AXDND1: variants seen among roughly 807,000 people sequenced by gnomAD.
The protein encoded by AXDND1 is axonemal dynein light chain domain containing 1.
AXDND1 carries 110 observed loss-of-function variants against 137.5 expected under a neutral mutation model. The observed-to-expected ratio is 0.80, with a 90% confidence interval of 0.69 to 0.94. The LOEUF is 0.94. Ranked by LOEUF, AXDND1 falls within the 40% of genes least tolerant of loss-of-function variation. AXDND1 has a pLI of 0.00. For synonymous variants in AXDND1, 414 were observed against 399.7 expected (o/e 1.04, Z -0.43); for missense variants, 1,191 against 1,169.8 (o/e 1.02, Z -0.26).
intron 11 of AXDND1, among the ~76,000 whole-genome samples, chr1:179,398,966 A>C (rs1200862575): frequency 1.3e-5 from 2 of 152,190 alleles, no homozygotes; most frequent in African/African-American, 2.4e-5. Flanking sequence ...CAAGGAAAGC[A>C]AAACATGCCT....
At chr1:179,424,032 C>G (rs1392746318) in intron 12 of AXDND1, among the ~76,000 whole-genome samples, 2 of 151,878 alleles carry the variant, frequency 1.3e-5, no homozygotes, top group Admixed American at 6.6e-5. Flanking sequence ...TAAGAGAGGT[C>G]TGGTGGTGGT....
chr1:179,528,192 A>T, intron 22 of AXDND1, 135 bp from the exon 23 acceptor site: 2 of 628,890 alleles, frequency 3.2e-6, no homozygotes, highest in East Asian at 2.8e-5. Flanking sequence ...GTCTTCAAAA[A>T]TTCTTGTTGT....
At chr1:179,553,955 G>A (rs7546708) in intron 25 of AXDND1, among the ~76,000 whole-genome samples, 90,232 of 146,024 alleles carry the variant, frequency 0.62, 27,896 homozygotes, top group Admixed American at 0.65. Flanking sequence ...CTCTGTGGTC[G>A]TGGCTGAAGC....
intron 21 of AXDND1, among the ~76,000 whole-genome samples, chr1:179,510,036 G>T (rs745911677): frequency 6.6e-6 from 1 of 152,114 alleles, no homozygotes; most frequent in African/African-American, 2.4e-5. Context: ...TGGCTTCTGT[G>T]TAGCATTTGG....
At chr1:179,517,836 C>T (rs1374001780) in intron 21 of AXDND1, among the ~76,000 whole-genome samples, 1 of 152,180 alleles carries the variant, frequency 6.6e-6, no homozygotes, top group Non-Finnish European at 1.5e-5. Flanking sequence ...CCACTGCCTT[C>T]GGAGGGTCTT....
rs754415082 is a variant in AXDND1, at chr1:179,368,818, A to G, written c.116A>G (p.Glu39Gly). 4 of 1,611,728 alleles carry G rather than the reference A, an allele frequency of 2.5e-6. No homozygotes were observed. Among genetic ancestry groups the G allele is most frequent in the Non-Finnish European group, 3.4e-6 (4 of 1,179,168 alleles). Residue 39 changes from glutamate to glycine, a missense_variant, in exon 3 of 26, where the codon GAG becomes GGG. Coordinates refer to ENST00000367618, the MANE Select transcript of AXDND1 (RefSeq NM_144696.6). ...TACTTAGGACTTCCTGAGCTAAAGG[A>G]GAAAAAAAATATGGTGGATCGTTCA... is the stretch of plus-strand genomic sequence containing the variant. ...EGTRGLPELK[E>G]KKNMVDRSKL...
chr1:179,404,231 T>A (rs1014642812), intron 11 of AXDND1, among the ~76,000 whole-genome samples: 2 of 151,144 alleles, frequency 1.3e-5, no homozygotes, highest in African/African-American at 4.9e-5. Context: ...TGTCTTTTTT[T>A]TTTTTTTTGA....
chr1:179,430,713 T>A, intron 14 of AXDND1, 107 bp downstream of exon 14: 1 of 1,267,950 alleles, frequency 7.9e-7, no homozygotes, highest in East Asian at 2.4e-5. Flanking sequence ...ACTCTAACAT[T>A]GATTTTGGGG....
intron 12 of AXDND1, among the ~76,000 whole-genome samples, chr1:179,415,300 C>T (rs1263225767): frequency 4.6e-5 from 7 of 152,132 alleles, no homozygotes; most frequent in Non-Finnish European, 8.8e-5. Context: ...CGAGATCGCA[C>T]CACTGCACTC....
chr1:179,397,500 T>G (rs12744949), intron 11 of AXDND1, among the ~76,000 whole-genome samples: 43,715 of 152,040 alleles, frequency 0.29, 6,486 homozygotes, highest in Non-Finnish European at 0.31. Context: ...TACTAGGGTT[T>G]TCTGCATTTT....
intron 23 of AXDND1, among the ~76,000 whole-genome samples, chr1:179,531,606 G>T (rs1272618167): frequency 6.6e-6 from 1 of 152,086 alleles, no homozygotes; most frequent in Non-Finnish European, 1.5e-5. Flanking sequence ...AGGGGACGAG[G>T]TTGATTGATA....
intron 11 of AXDND1, among the ~76,000 whole-genome samples, chr1:179,400,111 A>G (rs181959114): frequency 1.1e-4 from 16 of 152,366 alleles, no homozygotes; most frequent in Non-Finnish European, 1.6e-4. Context: ...TATGAAAAAG[A>G]TACTTGCATG....
intron 20 of AXDND1, among the ~76,000 whole-genome samples, chr1:179,507,102 AATACTC>A (rs1367505437): frequency 2.6e-5 from 4 of 152,108 alleles, no homozygotes; most frequent in Non-Finnish European, 4.4e-5. Context: ...TTGCTTCTTA[AATACTC>A]CTTCACTCCA....
At chr1:179,376,058 T>C (rs2125065187) in intron 4 of AXDND1, among the ~76,000 whole-genome samples, 1 of 152,322 alleles carries the variant, frequency 6.6e-6, no homozygotes, top group African/African-American at 2.4e-5. Flanking sequence ...TTTCACAATA[T>C]TGCAACTGTT....
In AXDND1 at chr1:179,396,237, G is replaced by A. The variant is rs182566387; in HGVS notation, c.1109+1035G>A. Among the ~76,000 whole-genome samples, 35 of 151,290 alleles carry A rather than the reference G, an allele frequency of 2.3e-4. No homozygotes were observed. The East Asian group carries it at 3.5e-3, about 15-fold the overall frequency. On this transcript the variant is annotated intron_variant, in intron 11 of 25. Coordinates refer to ENST00000367618, the MANE Select transcript of AXDND1 (RefSeq NM_144696.6). ...AAAAAATACATCTATATCTATGTCTGTATCTCTATATATCTCCATTCTGCT... is the reference window on the plus strand; with the variant it reads ...AAAAAATACATCTATATCTATGTCTATATCTCTATATATCTCCATTCTGCT...
intron 13 of AXDND1, 60 bp downstream of exon 13, chr1:179,429,679 C>A: frequency 2.2e-6 from 2 of 896,104 alleles, no homozygotes; most frequent in Non-Finnish European, 1.7e-6. Flanking sequence ...AGGGTTGAGA[C>A]TGTAAGATGC....
chr1:179,479,515 T>C (rs983467861), intron 17 of AXDND1, among the ~76,000 whole-genome samples: 2 of 150,014 alleles, frequency 1.3e-5, no homozygotes, highest in African/African-American at 4.9e-5. Context: ...TGGTGGCTCA[T>C]GCCTGTAATC....
At chr1:179,459,704 CTTTCTTTCTT>C (rs1214810258) in intron 16 of AXDND1, among the ~76,000 whole-genome samples, 207 of 91,616 alleles carry the variant, frequency 2.3e-3, no homozygotes, top group African/African-American at 9.9e-3. Flanking sequence ...TCTTTCTTTC[CTTTCTTTCTT>C]TTTCTTTCTT....
At chr1:179,504,956 G>A (rs1003789592) in intron 20 of AXDND1, among the ~76,000 whole-genome samples, 2 of 152,156 alleles carry the variant, frequency 1.3e-5, no homozygotes, top group African/African-American at 4.8e-5. Flanking sequence ...TATATCAAGC[G>A]AGTTTATGGT....
Sources: allele counts gnomAD v4.1 joint callset (sites outside exome capture counted in the v4.1 genomes callset), GRCh38; gene constraint gnomAD v4.1.1; transcripts MANE v1.5; gene names NCBI Gene and HGNC (gene_info 2026-07-23, HGNC 2026-07-21).